EPS8: variants seen among roughly 807,000 people sequenced by gnomAD.
The protein encoded by EPS8 is EGFR pathway substrate 8, signaling adaptor, also known as epidermal growth factor receptor kinase substrate 8.
In EPS8, 42 loss-of-function variants were observed where a neutral mutation model predicts 103.8. The ratio of observed to expected loss-of-function variants is 0.40; its 90% CI spans 0.32 to 0.52. The LOEUF is 0.52. Among genes scored for constraint, EPS8 ranks in the 20% least tolerant of loss-of-function variants. The pLI is 0.40. For missense variants in EPS8, 969 were observed against 1,005.1 expected (o/e 0.96, Z 0.49); for synonymous variants, 344 against 344.6 (o/e 1.00, Z 0.02).
chr12:15,705,104 G>A lies in EPS8; in HGVS notation c.-21-22132C>T, dbSNP rs115074129. On this transcript the variant is annotated intron_variant, in intron 1 of 20. Transcript: ENST00000281172. Reference sequence around the variant, plus strand: ...TGCATCTTGAAGGAAAAAAAAGCTCGCTGGTCTAGTTTTATACCAACTCCT... The same window carrying A: ...TGCATCTTGAAGGAAAAAAAAGCTCACTGGTCTAGTTTTATACCAACTCCT... Among the ~76,000 whole-genome samples, 361 of 152,166 alleles carry A rather than the reference G, an allele frequency of 2.4e-3. 2 individuals are homozygous for A. Among genetic ancestry groups the A allele is most frequent in the African/African-American group, 8.2e-3 (340 of 41,528 alleles).
In EPS8 at chr12:15,698,581, G is replaced by C. The variant is rs951982835; in HGVS notation, c.-21-15609C>G. On this transcript the variant is annotated intron_variant, in intron 1 of 20. Coordinates refer to ENST00000281172, the MANE Select transcript of EPS8 (RefSeq NM_004447.6). The surrounding 1 kb of genome is among the most constrained non-coding windows in gnomAD (Gnocchi z 4.9). ...TTAAAAAAAAAAAAAAAATTTAGCT[G>C]CTAAGAAGCCCCAGGAATAGCACGT... Among the ~76,000 whole-genome samples the C allele has an allele frequency of 1.3e-5, 2 of 151,302 alleles. No homozygotes were observed. Among genetic ancestry groups the C allele is most frequent in the African/African-American group, 4.9e-5 (2 of 41,130 alleles).
In EPS8 at chr12:15,747,562, A is replaced by G. The variant is rs927841153; in HGVS notation, c.-22+41599T>C. Among the ~76,000 whole-genome samples the G allele has an allele frequency of 1.3e-5, 2 of 152,180 alleles. No individual in the cohort carries two copies. Among genetic ancestry groups the G allele is most frequent in the Non-Finnish European group, 2.9e-5 (2 of 68,038 alleles). ...CACTGCATTAGTAAGAAAGTGGCAA[A>G]TGATCAAAAAAGTAACTTGGGGGGA... On this transcript the variant is annotated intron_variant, in intron 1 of 20. Coordinates refer to ENST00000281172, the MANE Select transcript of EPS8 (RefSeq NM_004447.6). The surrounding 1 kb of genome is among the most constrained non-coding windows in gnomAD (Gnocchi z 4.4).
intron 1 of EPS8, among the ~76,000 whole-genome samples, chr12:15,694,291 G>T (rs570464695): frequency 1.3e-5 from 2 of 152,184 alleles, no homozygotes. Context: ...AAAAAAAAAT[G>T]AAGGAAATTT....
rs895134104 is a variant in EPS8, at chr12:15,706,774, G to T, written c.-21-23802C>A. ...CTTATCCAAAGATATTCTTCCTTGG[G>T]CAAATTTTGTAATAAAATGACACAA... On this transcript the variant is annotated intron_variant, in intron 1 of 20. Coordinates refer to ENST00000281172, the MANE Select transcript of EPS8 (RefSeq NM_004447.6). The surrounding 1 kb of genome is among the most constrained non-coding windows in gnomAD (Gnocchi z 5.2). Among the ~76,000 whole-genome samples the T allele has an allele frequency of 2.3e-4, 35 of 151,460 alleles. No individual in the cohort carries two copies. The highest frequency in any genetic ancestry group is 8.0e-4 in the African/African-American group (33 of 41,216).
In EPS8 at chr12:15,704,117, C is replaced by T. The variant is rs1388449619; in HGVS notation, c.-21-21145G>A. Among the ~76,000 whole-genome samples the T allele has an allele frequency of 2.6e-5, 4 of 151,502 alleles. No homozygotes were observed. Among genetic ancestry groups the T allele is most frequent in the African/African-American group, 7.3e-5 (3 of 41,260 alleles). On this transcript the variant is annotated intron_variant, in intron 1 of 20. Transcript: ENST00000281172. The surrounding 1 kb of genome is among the most constrained non-coding windows in gnomAD (Gnocchi z 4.6). ...GGTTTTCCTGCTGGGTTTTTTTGTT[C>T]GTTCATTTAAAATATCCCTTTAATG...
Position 15,704,647 on chromosome 12 carries a change from G to A in EPS8, c.-21-21675C>T, listed in dbSNP as rs1946360059. Reference sequence around the variant, plus strand: ...AGGAAGATGAAAAACTCCTAGAGATGGATGGTCATGATGGCTGCACAACAA... The same window carrying A: ...AGGAAGATGAAAAACTCCTAGAGATAGATGGTCATGATGGCTGCACAACAA... On this transcript the variant is annotated intron_variant, in intron 1 of 20. Coordinates refer to ENST00000281172, the MANE Select transcript of EPS8 (RefSeq NM_004447.6). This position sits in a 1 kb window ranked among gnomAD's most constrained non-coding sequence, Gnocchi z 4.6. Among the ~76,000 whole-genome samples the A allele has an allele frequency of 6.6e-6, 1 of 152,134 alleles. No homozygotes were observed.
Position 15,658,564 on chromosome 12 carries a change from G to A in EPS8, c.959C>T (p.Ala320Val). Reference protein sequence around the residue: ...GPGEGVLTLRAKPPPPDEFLD... With the variant: ...GPGEGVLTLRVKPPPPDEFLD... ...AAATTCATCAGGAGGTGGAGGTTTT[G>A]CCCGCAGCGTTAAAACACCCTCTAA... The change falls in exon 11 of 21, where the codon GCA (alanine) becomes GTA (valine). Residue 320 changes from alanine (A) to valine (V), a missense_variant. Physicochemically the swap from Ala to Val is moderately conservative, Grantham distance 64. Transcript: ENST00000281172. 2 of 1,612,816 alleles carry A rather than the reference G, an allele frequency of 1.2e-6. No homozygotes were observed. Among genetic ancestry groups the A allele is most frequent in the Non-Finnish European group, 8.5e-7 (1 of 1,178,972 alleles).
intron 20 of EPS8, among the ~76,000 whole-genome samples, chr12:15,622,403 T>G (rs1944874428): frequency 6.6e-6 from 1 of 152,180 alleles, no homozygotes; most frequent in South Asian, 2.1e-4. Context: ...CTGAATTATT[T>G]AACTGTTGAA....
Position 15,695,399 on chromosome 12 carries a change from A to G in EPS8, c.-21-12427T>C, listed in dbSNP as rs912404155. Among the ~76,000 whole-genome samples the G allele has an allele frequency of 3.3e-5, 5 of 152,232 alleles. No homozygotes were observed. The highest frequency in any genetic ancestry group is 2.1e-4 in the South Asian group (1 of 4,832). On this transcript the variant is annotated intron_variant, in intron 1 of 20. Coordinates refer to ENST00000281172, the MANE Select transcript of EPS8 (RefSeq NM_004447.6). The surrounding 1 kb of genome is among the most constrained non-coding windows in gnomAD (Gnocchi z 5.0). ...CCCATCAGTGCTCTCGCACAGTCCC[A>G]TACAACTTCCTAGAATAATAGAAAT... is the stretch of plus-strand genomic sequence containing the variant.
intron 15 of EPS8, among the ~76,000 whole-genome samples, chr12:15,646,299 A>T (rs1315674513): frequency 6.6e-6 from 1 of 152,190 alleles, no homozygotes; most frequent in Non-Finnish European, 1.5e-5. Context: ...TTATATTAAG[A>T]AAAGAGTATA....
chr12:15,724,497 G>T (rs768194824), intron 1 of EPS8, among the ~76,000 whole-genome samples: 2 of 152,248 alleles, frequency 1.3e-5, no homozygotes, highest in East Asian at 3.9e-4. Context: ...TTGTAAGGGA[G>T]ACTGTTTACA....
intron 19 of EPS8, 73 bp from the exon 20 acceptor site, chr12:15,623,360 T>G: frequency 7.3e-7 from 1 of 1,363,510 alleles, no homozygotes; most frequent in Admixed American, 2.1e-5. Flanking sequence ...AAATTATCTG[T>G]TCCTGCTAGT....
At position 15,784,873 on chromosome 12, in the gene EPS8, G is replaced by A. The variant is rs1027896858; in HGVS notation, c.-22+4288C>T. ...AAATGAAAGAAGCCAGTCTGGCAAGGCTGTATGATTCCAATTATACAACAT... is the reference window on the plus strand; with the variant it reads ...AAATGAAAGAAGCCAGTCTGGCAAGACTGTATGATTCCAATTATACAACAT... On this transcript the variant is annotated intron_variant, in intron 1 of 20. Transcript: ENST00000281172. This position sits in a 1 kb window ranked among gnomAD's most constrained non-coding sequence, Gnocchi z 4.0. Among the ~76,000 whole-genome samples, 1 of 152,082 alleles carries A rather than the reference G, an allele frequency of 6.6e-6. No homozygotes were observed. Among genetic ancestry groups the A allele is most frequent in the East Asian group, 1.9e-4 (1 of 5,192 alleles).
In EPS8 at chr12:15,690,247, A is replaced by C. The variant is rs1946153586; in HGVS notation, c.-21-7275T>G. On this transcript the variant is annotated intron_variant, in intron 1 of 20. Coordinates refer to ENST00000281172, the MANE Select transcript of EPS8 (RefSeq NM_004447.6). This position sits in a 1 kb window ranked among gnomAD's most constrained non-coding sequence, Gnocchi z 4.7. Reference sequence around the variant, plus strand: ...ATACGAAGTGGAAAATGGTATCTTTAGGCAACTGCTGTACTGATTCATCCC... The same window carrying C: ...ATACGAAGTGGAAAATGGTATCTTTCGGCAACTGCTGTACTGATTCATCCC... Among the ~76,000 whole-genome samples, 1 of 152,226 alleles carries C rather than the reference A, an allele frequency of 6.6e-6. No individual in the cohort carries two copies. The highest frequency in any genetic ancestry group is 1.5e-5 in the Non-Finnish European group (1 of 68,038).
intron 2 of EPS8, 140 bp from the exon 3 acceptor site, chr12:15,681,442 T>C (rs1353092481): frequency 1.0e-5 from 3 of 287,550 alleles, no homozygotes; most frequent in Non-Finnish European, 1.8e-5. Flanking sequence ...TAAAAGAACA[T>C]ACTGATGGCC....
intron 2 of EPS8, among the ~76,000 whole-genome samples, chr12:15,681,728 C>CAAAAAAAAAAAAAA (rs71042267): frequency 2.5e-5 from 1 of 39,226 alleles, no homozygotes; most frequent in Non-Finnish European, 5.1e-5. Flanking sequence ...GACTCTGTCT[C>CAAAAAAAAAAAAAA]AAAAAAAAAA....
rs771905783 is a variant in EPS8, at chr12:15,669,729, A to C, written c.301T>G (p.Trp101Gly). The C allele has an allele frequency of 1.2e-6, 2 of 1,613,860 alleles. No individual in the cohort carries two copies. Among genetic ancestry groups the C allele is most frequent in the Non-Finnish European group, 1.7e-6 (2 of 1,179,890 alleles). ...LKLLDAKGKV[W>G]TQDMILQVDD... ...ACTTGAAGAATCATATCTTGAGTCC[A>C]CACTTTGCCCTTGGCATCAAGCAAT... is the stretch of plus-strand genomic sequence containing the variant. The change falls in exon 5 of 21, where the codon TGG (tryptophan) becomes GGG (glycine). Residue 101 changes from tryptophan (W) to glycine (G), a missense_variant. Coordinates refer to ENST00000281172, the MANE Select transcript of EPS8 (RefSeq NM_004447.6).
rs371684864 is a variant in EPS8 at position 15,638,729 on chromosome 12, T to A, written c.1821+1974A>T. Among the ~76,000 whole-genome samples, 11 of 152,186 alleles carry A rather than the reference T, an allele frequency of 7.2e-5. No homozygotes were observed. The South Asian group carries it at 2.3e-3, about 31-fold the overall frequency. On this transcript the variant is annotated intron_variant, in intron 17 of 20. Transcript: ENST00000281172. ...AACATTTCTTGGGTTGTGCCAAAGT[T>A]GACAAAAATAAAAGATGAGGTTCTG... is the stretch of plus-strand genomic sequence containing the variant.
chr12:15,762,281 A>C lies in EPS8; in HGVS notation c.-22+26880T>G, dbSNP rs1947049782. On this transcript the variant is annotated intron_variant, in intron 1 of 20. Transcript: ENST00000281172. The surrounding 1 kb of genome is among the most constrained non-coding windows in gnomAD (Gnocchi z 4.8). ...ATGGCTTTTATCCAAAAGACAGACA[A>C]TAACAAATGCCGACAAGGATGTAGA... Among the ~76,000 whole-genome samples, 1 of 152,218 alleles carries C rather than the reference A, an allele frequency of 6.6e-6. No individual in the cohort carries two copies. The highest frequency in any genetic ancestry group is 1.5e-5 in the Non-Finnish European group (1 of 68,040).
Sources: gnomAD v4.1 joint callset for allele counts (sites outside exome capture counted in the v4.1 genomes callset) on GRCh38, gnomAD v4.1.1 for gene constraint, Gnocchi (gnomAD v3.1) non-coding constraint, MANE v1.5 for transcripts, NCBI Gene and HGNC (gene_info 2026-07-23, HGNC 2026-07-21) for gene names.